The following GPR39 variants were observed in gnomAD, a reference collection of about 807,000 sequenced individuals.
GPR39 encodes the protein G protein-coupled receptor 39.
Under a neutral mutation model 18.4 loss-of-function variants are expected in GPR39, and 23 were observed. That is an observed-to-expected ratio of 1.25 (90% CI 0.90 to 1.77). The LOEUF is 1.77. GPR39 is among the 40% of genes most tolerant of loss of function. The probability of loss-of-function intolerance (pLI) is 0.00; values close to 1 mark genes in which losing one functional copy is unlikely to be tolerated. For synonymous variants in GPR39, 280 were observed against 257.9 expected, an observed-to-expected ratio of 1.09 and a Z score of -0.82; for missense variants, 647 against 602.4, an observed-to-expected ratio of 1.07 and a Z score of -0.78.
At chr2:132,431,568 G>A (rs1680224462) in intron 1 of GPR39, among the ~76,000 whole-genome samples, 1 of 152,138 alleles carries the variant, frequency 6.6e-6, no homozygotes, top group Admixed American at 6.5e-5. Context: ...AAATTGAGAG[G>A]CCAGGAGGCT....
In GPR39 at chr2:132,580,529, A is replaced by C. The variant is rs1227378522; in HGVS notation, c.857-64572A>C. On this transcript the variant is annotated intron_variant, in intron 1 of 1. Coordinates refer to ENST00000329321, the MANE Select transcript of GPR39 (RefSeq NM_001508.3). ...ACACTTTTATTTATATGCTAATCAC[A>C]CTTACTGGCCATGGTACAATAAGTG... Among the ~76,000 whole-genome samples, 91 of 152,318 alleles carry C rather than the reference A, an allele frequency of 6.0e-4. 2 individuals are homozygous for C. The highest frequency in any genetic ancestry group is 3.9e-4 in the East Asian group (2 of 5,190).
At chr2:132,423,766 G>A (rs138928769) in intron 1 of GPR39, among the ~76,000 whole-genome samples, 2 of 152,130 alleles carry the variant, frequency 1.3e-5, no homozygotes, top group African/African-American at 2.4e-5. Context: ...GCAATTACTC[G>A]ACTGATGTCT....
At chr2:132,543,592 A>G (rs1405004196) in intron 1 of GPR39, among the ~76,000 whole-genome samples, 2 of 152,190 alleles carry the variant, frequency 1.3e-5, no homozygotes, top group African/African-American at 2.4e-5. Flanking sequence ...TGGACTTTTC[A>G]TGAGAGATAT....
At chr2:132,458,013 T>A (rs1287756745) in intron 1 of GPR39, among the ~76,000 whole-genome samples, 1 of 152,214 alleles carries the variant, frequency 6.6e-6, no homozygotes, top group Admixed American at 6.5e-5. Context: ...GGTGGAAGTG[T>A]CCTGTTTTTC....
intron 1 of GPR39, among the ~76,000 whole-genome samples, chr2:132,439,554 G>T (rs1487485661): frequency 1.3e-5 from 2 of 152,166 alleles, no homozygotes; most frequent in African/African-American, 4.8e-5. Context: ...CACTCAGAAA[G>T]AAAACAGAGA....
intron 1 of GPR39, among the ~76,000 whole-genome samples, chr2:132,422,638 A>T (rs1680036241): frequency 1.3e-5 from 2 of 151,978 alleles, no homozygotes; most frequent in Non-Finnish European, 2.9e-5. Context: ...TTAGTGTAAG[A>T]TATTATTTTG....
At chr2:132,459,587 C>G (rs1680795234) in intron 1 of GPR39, among the ~76,000 whole-genome samples, 1 of 152,146 alleles carries the variant, frequency 6.6e-6, no homozygotes, top group African/African-American at 2.4e-5. Flanking sequence ...GGGACATGGT[C>G]TGGGGCAGAA....
At chr2:132,581,913 T>A (rs566943304) in intron 1 of GPR39, among the ~76,000 whole-genome samples, 1 of 152,290 alleles carries the variant, frequency 6.6e-6, no homozygotes, top group African/African-American at 2.4e-5. Flanking sequence ...TGAATCTTTC[T>A]ATGACTGTGG....
chr2:132,513,462 C>CAA (rs35917253), intron 1 of GPR39, among the ~76,000 whole-genome samples: 14 of 149,450 alleles, frequency 9.4e-5, no homozygotes, highest in African/African-American at 1.7e-4. Flanking sequence ...GACTCTGTCT[C>CAA]AAAAAAAAAG....
chr2:132,620,410 T>C (rs771441738), intron 1 of GPR39, among the ~76,000 whole-genome samples: 11 of 152,140 alleles, frequency 7.2e-5, no homozygotes, highest in Non-Finnish European at 1.2e-4. Flanking sequence ...GGAGGGGGAC[T>C]TCAGCTACTC....
intron 1 of GPR39, among the ~76,000 whole-genome samples, chr2:132,591,278 C>CAA (rs1325880889): frequency 2.4e-5 from 1 of 41,120 alleles, no homozygotes; most frequent in African/African-American, 1.3e-4. Flanking sequence ...AAAAAAAAAA[C>CAA]AAAAAAAAAC....
chr2:132,431,718 G>A (rs982168823), intron 1 of GPR39, among the ~76,000 whole-genome samples: 2 of 152,152 alleles, frequency 1.3e-5, no homozygotes, highest in Non-Finnish European at 2.9e-5. Context: ...AGGGAGTGTG[G>A]TGTGTGTGGA....
At chr2:132,442,964 G>T (rs1302488202) in intron 1 of GPR39, among the ~76,000 whole-genome samples, 2 of 152,098 alleles carry the variant, frequency 1.3e-5, no homozygotes, top group African/African-American at 4.8e-5. Flanking sequence ...TTTTTAAATG[G>T]TTAATAAGAT....
intron 1 of GPR39, among the ~76,000 whole-genome samples, chr2:132,622,345 G>A (rs1681457404): frequency 6.6e-6 from 1 of 152,162 alleles, no homozygotes; most frequent in Non-Finnish European, 1.5e-5. Flanking sequence ...AGTGAGCTGA[G>A]ATCGCACCAT....
At chr2:132,427,332 A>ATT (rs199888810) in intron 1 of GPR39, among the ~76,000 whole-genome samples, 13 of 147,736 alleles carry the variant, frequency 8.8e-5, no homozygotes, top group East Asian at 2.0e-4. Flanking sequence ...CCTGGCTAAT[A>ATT]TATTTTTTTT....
intron 1 of GPR39, among the ~76,000 whole-genome samples, chr2:132,573,761 G>T (rs1680482635): frequency 6.6e-6 from 1 of 152,118 alleles, no homozygotes; most frequent in Non-Finnish European, 1.5e-5. Context: ...GAATGCGAAT[G>T]TCAGCTGCCA....
intron 1 of GPR39, among the ~76,000 whole-genome samples, chr2:132,530,746 C>A (rs1679603848): frequency 6.6e-6 from 1 of 152,120 alleles, no homozygotes; most frequent in Non-Finnish European, 1.5e-5. Flanking sequence ...TCATATCCAG[C>A]CAAACTAAGC....
chr2:132,484,721 A>G (rs750219387), intron 1 of GPR39, among the ~76,000 whole-genome samples: 1 of 152,246 alleles, frequency 6.6e-6, no homozygotes, highest in Non-Finnish European at 1.5e-5. Context: ...AAATTCTCCT[A>G]TAAGAATTTA....
chr2:132,482,827 T>C (rs1431182633), intron 1 of GPR39, among the ~76,000 whole-genome samples: 1 of 152,238 alleles, frequency 6.6e-6, no homozygotes, highest in Non-Finnish European at 1.5e-5. Context: ...CCACCAATGC[T>C]TTACCTTGTA....
Sources: gnomAD v4.1 joint callset for allele counts (sites outside exome capture counted in the v4.1 genomes callset) on GRCh38, gnomAD v4.1.1 for gene constraint, MANE v1.5 for transcripts, NCBI Gene and HGNC (gene_info 2026-07-23, HGNC 2026-07-21) for gene names.